The following TOPAZ1 variants were observed in gnomAD, a reference collection of about 807,000 sequenced individuals.
TOPAZ1 encodes the protein testis and ovary specific TOPAZ 1, also known as protein TOPAZ1.
A neutral mutation model predicts 172.2 loss-of-function variants in TOPAZ1; 66 were observed. The observed-to-expected ratio is 0.38, with a 90% CI of 0.31 to 0.47. The LOEUF (loss-of-function observed/expected upper bound fraction) is 0.47, where lower values mean the gene tolerates loss of function less well. Ranked by LOEUF, TOPAZ1 falls within the 20% of genes least tolerant of loss-of-function variation. TOPAZ1 has a pLI of 0.99. For missense variants in TOPAZ1, 1,822 were observed against 1,972.4 expected (o/e 0.92, Z 1.44); for synonymous variants, 681 against 683.9 (o/e 1.00, Z 0.07).
At chr3:44,291,898 G>A (rs76220860) in intron 12 of TOPAZ1, among the ~76,000 whole-genome samples, 10,821 of 152,102 alleles carry the variant, frequency 0.071, 555 homozygotes, top group Non-Finnish European at 0.1. Context: ...TAATGCAGAG[G>A]TTCCCAAACT....
At chr3:44,321,275 T>C in intron 17 of TOPAZ1, 84 bp downstream of exon 17, 2 of 967,432 alleles carry the variant, frequency 2.1e-6, no homozygotes, top group Non-Finnish European at 1.5e-6. Flanking sequence ...CCACCTGTTT[T>C]GATTGAGTTT....
chr3:44,245,272 G>A lies in TOPAZ1; in HGVS notation c.2765+1G>A. 6.6e-7 allele frequency: 1 copy of A among 1,522,976 alleles called. No homozygotes were observed. Among genetic ancestry groups the A allele is most frequent in the East Asian group, 2.5e-5 (1 of 40,606 alleles). The allele number at this position is 1,522,976 out of a possible 1,614,324, so 94.3% of individuals were successfully genotyped here. On this transcript the variant is annotated splice_donor_variant, in intron 2 of 19. Coordinates refer to ENST00000309765, the MANE Select transcript of TOPAZ1 (RefSeq NM_001145030.2). LOFTEE classifies it high-confidence loss of function. ...AAAAAGAACCAAGTGATGACTTAAGGTATGCATGTTCAAGTATTCCTTTTA... is the reference window on the plus strand; with the variant it reads ...AAAAAGAACCAAGTGATGACTTAAGATATGCATGTTCAAGTATTCCTTTTA...
chr3:44,250,173 T>A (rs1411233723), intron 2 of TOPAZ1, among the ~76,000 whole-genome samples: 1 of 145,460 alleles, frequency 6.9e-6, no homozygotes, highest in Non-Finnish European at 1.5e-5. Flanking sequence ...TCTGACTTAA[T>A]CCCAGTTTGT....
chr3:44,305,743 T>C (rs1208547782), intron 14 of TOPAZ1, among the ~76,000 whole-genome samples: 2 of 152,138 alleles, frequency 1.3e-5, no homozygotes, highest in Non-Finnish European at 2.9e-5. Flanking sequence ...CCCTTGAATA[T>C]TTTCCATGTT....
intron 5 of TOPAZ1, among the ~76,000 whole-genome samples, chr3:44,264,357 G>A (rs1270945071): frequency 2.0e-5 from 3 of 152,190 alleles, no homozygotes; most frequent in Non-Finnish European, 2.9e-5. Context: ...GTTTCCTAGT[G>A]CGTATAAAAG....
chr3:44,276,624 C>CTTTTTTTTT lies in TOPAZ1; in HGVS notation c.3373-5323_3373-5315dup, dbSNP rs762865769. On this transcript the variant is annotated intron_variant, in intron 8 of 19. Coordinates refer to ENST00000309765, the MANE Select transcript of TOPAZ1 (RefSeq NM_001145030.2). Reference sequence around the variant, plus strand: ...GTAGTTTAATGCCTCCAGCTTTGTTCTTTTTTTTTTTTTTTTTTTTTTTTT... The same window carrying CTTTTTTTTT: ...GTAGTTTAATGCCTCCAGCTTTGTTCTTTTTTTTTTTTTTTTTTTTTTTTTTTTTTTTTT... Among the ~76,000 whole-genome samples, 110 of 24,108 alleles carry CTTTTTTTTT rather than the reference C, an allele frequency of 4.6e-3. 19 individuals carry two copies. Among genetic ancestry groups the CTTTTTTTTT allele is most frequent in the African/African-American group, 7.7e-3 (41 of 5,322 alleles). The allele number at this position is 24,108 out of a possible 152,430, so 15.8% of individuals were successfully genotyped here.
chr3:44,304,711 C>G (rs1700315106), intron 13 of TOPAZ1, among the ~76,000 whole-genome samples: 2 of 151,982 alleles, frequency 1.3e-5, no homozygotes, highest in African/African-American at 4.8e-5. Context: ...ACGTAGTGTC[C>G]AAAACGATAT....
chr3:44,269,534 A>G (rs1255125489), intron 7 of TOPAZ1, among the ~76,000 whole-genome samples: 2 of 100,054 alleles, frequency 2.0e-5, no homozygotes, highest in Non-Finnish European at 3.6e-5. Flanking sequence ...CGTCCAGGCT[A>G]GAATACAATG....
At position 44,269,311 on chromosome 3, in the gene TOPAZ1, CT is replaced by C; in HGVS notation, c.3246+13del. 6.7e-7 allele frequency: 1 copy of C among 1,483,278 alleles called. No homozygotes were observed. The highest frequency in any genetic ancestry group is 9.2e-7 in the Non-Finnish European group (1 of 1,085,220). The allele number at this position is 1,483,278 out of a possible 1,614,324, so 91.9% of individuals were successfully genotyped here. A position where few individuals can be genotyped will look rare whatever the true frequency, so the allele number is the denominator to read the frequency against. ...GGAAAAAAATGTGGGGGTAAGTCTA[CT>C]TTAAAAAATAATAATAATCTGTCTC... On this transcript the variant is annotated intron_variant, in intron 7 of 19. Transcript: ENST00000309765.
intron 8 of TOPAZ1, among the ~76,000 whole-genome samples, chr3:44,280,281 CCTTTCCTTTT>C (rs1450090497): frequency 6.8e-6 from 1 of 147,330 alleles, no homozygotes; most frequent in Non-Finnish European, 1.5e-5. Context: ...TTTTTCCTTT[CCTTTCCTTTT>C]CTTTCCTTTC....
At position 44,321,038 on chromosome 3, in the gene TOPAZ1, A is replaced by G; in HGVS notation, c.4318A>G (p.Ile1440Val). ...AIWVMRESEW[I>V]INTPLWPCDR... ...TTTCTTTTTGGAAGAGTCAGAGTGG[A>G]TAATCAATACGCCTCTGTGGCCTTG... The change falls in exon 17 of 20, where the codon ATA becomes GTA. Residue 1440 changes from isoleucine to valine, a missense_variant. Ile to Val is a conservative substitution (Grantham distance 29, BLOSUM62 3). Coordinates refer to ENST00000309765, the MANE Select transcript of TOPAZ1 (RefSeq NM_001145030.2). The G allele has an allele frequency of 1.3e-6, 2 of 1,546,480 alleles. No homozygotes were observed. The highest frequency in any genetic ancestry group is 2.5e-5 in the East Asian group (1 of 40,690).
At chr3:44,300,162 A>G (rs1170138153) in intron 12 of TOPAZ1, among the ~76,000 whole-genome samples, 1 of 151,310 alleles carries the variant, frequency 6.6e-6, no homozygotes, top group Non-Finnish European at 1.5e-5. Context: ...GCTGGGTGCC[A>G]TGGCTTACAT....
In TOPAZ1 at chr3:44,243,191, T is replaced by G. The variant is rs752303582; in HGVS notation, c.685T>G (p.Cys229Gly). The G allele has an allele frequency of 1.3e-6, 2 of 1,548,616 alleles. No individual in the cohort carries two copies. Among genetic ancestry groups the G allele is most frequent in the African/African-American group, 1.4e-5 (1 of 72,952 alleles). Residue 229 changes from cysteine (C) to glycine (G), a missense_variant, in exon 2 of 20, where the codon TGC (cysteine) becomes GGC (glycine). By Grantham distance (159) the Cys-to-Gly change is radical. Coordinates refer to ENST00000309765, the MANE Select transcript of TOPAZ1 (RefSeq NM_001145030.2). ...ENNSVLKLRD[C>G]NCFPHSKGCN... ...TAATTCCGTTTTAAAATTACGTGAT[T>G]GCAATTGTTTCCCCCATTCCAAGGG...
At position 44,242,893 on chromosome 3, in the gene TOPAZ1, T is replaced by A; in HGVS notation, c.387T>A (p.Asp129Glu). 1 of 1,527,390 alleles carries A rather than the reference T, an allele frequency of 6.5e-7. No homozygotes were observed. The highest frequency in any genetic ancestry group is 2.5e-5 in the East Asian group (1 of 40,790). The allele number at this position is 1,527,390 out of a possible 1,614,324, so 94.6% of individuals were successfully genotyped here. A position where few individuals can be genotyped will look rare whatever the true frequency, so the allele number is the denominator to read the frequency against. Residue 129 changes from aspartate to glutamate, a missense_variant, in exon 2 of 20, where the codon GAT (aspartate) becomes GAA (glutamate). Physicochemically the swap from Asp to Glu is conservative, Grantham distance 45. Coordinates refer to ENST00000309765, the MANE Select transcript of TOPAZ1 (RefSeq NM_001145030.2). Reference protein sequence around the residue: ...KRKVTEASSDDPQPGLDLVRK... With the variant: ...KRKVTEASSDEPQPGLDLVRK... The stretch of plus-strand genomic sequence containing the variant: ...AAGTTACTGAAGCCTCAAGTGATGA[T>A]CCACAGCCAGGGCTTGACTTGGTAA...
At chr3:44,324,416 C>CAT (rs1437553078) in intron 18 of TOPAZ1, among the ~76,000 whole-genome samples, 1 of 151,824 alleles carries the variant, frequency 6.6e-6, no homozygotes, top group South Asian at 2.1e-4. Context: ...TACACACACA[C>CAT]ATATATGTGT....
intron 12 of TOPAZ1, among the ~76,000 whole-genome samples, chr3:44,295,339 A>G (rs1700183688): frequency 6.6e-6 from 1 of 152,212 alleles, no homozygotes; most frequent in African/African-American, 2.4e-5. Flanking sequence ...AATATAGTAT[A>G]TTCACACAAT....
chr3:44,256,543 A>G (rs1699706009), intron 4 of TOPAZ1, among the ~76,000 whole-genome samples: 1 of 152,218 alleles, frequency 6.6e-6, no homozygotes, highest in African/African-American at 2.4e-5. Flanking sequence ...TCACAAACCT[A>G]TGAAAGTCTT....
rs371439803 is a variant in TOPAZ1 at position 44,266,096 on chromosome 3, G to T, written c.3021-901G>T. On this transcript the variant is annotated intron_variant, in intron 5 of 19. Coordinates refer to ENST00000309765, the MANE Select transcript of TOPAZ1 (RefSeq NM_001145030.2). ...CCTTGCACTTCTATGTTACAGAGATGATTTGTTTCGTGAAACCTCATGAAC... is the reference window on the plus strand; with the variant it reads ...CCTTGCACTTCTATGTTACAGAGATTATTTGTTTCGTGAAACCTCATGAAC... Among the ~76,000 whole-genome samples the T allele has an allele frequency of 9.9e-5, 15 of 152,216 alleles. No individual in the cohort carries two copies. The East Asian group carries it at 2.5e-3, about 25-fold the overall frequency.
rs879051592 is a variant in TOPAZ1, at chr3:44,293,765, A to G, written c.3797+2879A>G. 2.6e-5 allele frequency among the ~76,000 whole-genome samples: 4 copies of G among 152,318 alleles called. No homozygotes were observed. In the South Asian group the frequency reaches 8.3e-4, roughly 32 times the overall value. ...AGTATATAGTATTTGTAAAGTCTAC[A>G]GTTTGTGTTACAGTTGCCTACAGTA... On this transcript the variant is annotated intron_variant, in intron 12 of 19. Transcript: ENST00000309765.
Sources: allele counts gnomAD v4.1 joint callset (sites outside exome capture counted in the v4.1 genomes callset), GRCh38; gene constraint gnomAD v4.1.1; transcripts MANE v1.5; gene names NCBI Gene and HGNC (gene_info 2026-07-23, HGNC 2026-07-21).